LRRC37A2: variants seen among roughly 807,000 people sequenced by gnomAD.
The protein encoded by LRRC37A2 is leucine-rich repeat-containing protein 37A2.
A neutral mutation model predicts 68.8 loss-of-function variants in LRRC37A2; 9 were observed. The ratio of observed to expected loss-of-function variants is 0.13; its 90% CI spans 0.08 to 0.23. The LOEUF is 0.23. Among genes scored for constraint, LRRC37A2 ranks in the 10% least tolerant of loss-of-function variants. LRRC37A2 has a pLI of 1.00. For missense variants in LRRC37A2, 168 were observed against 950.4 expected (o/e 0.18, Z 10.82); for synonymous variants, 63 against 367.6 (o/e 0.17, Z 9.48).
the LRRC37A2 span, among the ~76,000 whole-genome samples, chr17:46,976,448 G>A: frequency 2.6e-5 from 4 of 151,928 alleles, no homozygotes; most frequent in Non-Finnish European, 5.9e-5. Context: ...TCCGGAGGCT[G>A]AGGCAGGAGA....
chr17:46,955,035 A>G, the LRRC37A2 span, among the ~76,000 whole-genome samples: 1 of 152,240 alleles, frequency 6.6e-6, no homozygotes, highest in Non-Finnish European at 1.5e-5. Flanking sequence ...TGCCCTGGCC[A>G]GAACTTCCAA....
At chr17:46,852,018 C>G in the LRRC37A2 span, among the ~76,000 whole-genome samples, 1 of 152,176 alleles carries the variant, frequency 6.6e-6, no homozygotes, top group Non-Finnish European at 1.5e-5. Context: ...ACCCTGGCCC[C>G]GTCCGCCCCG....
At chr17:46,877,672 C>A in the LRRC37A2 span, among the ~76,000 whole-genome samples, 1 of 152,198 alleles carries the variant, frequency 6.6e-6, no homozygotes, top group African/African-American at 2.4e-5. Flanking sequence ...CTTGAGTGAG[C>A]TTTGGTGACT....
the LRRC37A2 span, chr17:46,939,894 A>G: frequency 1.0e-6 from 1 of 993,194 alleles, no homozygotes; most frequent in Non-Finnish European, 1.2e-6. Context: ...TGAAAGTCTC[A>G]GAAAGACCTG....
the LRRC37A2 span, chr17:46,932,105 A>AGACT: frequency 6.2e-7 from 1 of 1,613,652 alleles, no homozygotes; most frequent in East Asian, 2.2e-5. Flanking sequence ...CAGCACCTGC[A>AGACT]GACTGCGCTC....
At chr17:46,977,882 T>C in the LRRC37A2 span, among the ~76,000 whole-genome samples, 1 of 152,272 alleles carries the variant, frequency 6.6e-6, no homozygotes, top group African/African-American at 2.4e-5. Flanking sequence ...CATCTCATAT[T>C]AGACTCATAT....
the LRRC37A2 span, among the ~76,000 whole-genome samples, chr17:46,999,566 C>T: frequency 0.72 from 108,641 of 151,832 alleles, 39,494 homozygotes; most frequent in Middle Eastern, 0.78. Context: ...CCCAGGCTGG[C>T]CTTGAACTCC....
At chr17:46,865,147 G>A in the LRRC37A2 span, among the ~76,000 whole-genome samples, 2 of 152,186 alleles carry the variant, frequency 1.3e-5, no homozygotes, top group African/African-American at 4.8e-5. Flanking sequence ...GAGCCTGAGT[G>A]GAGAGGGAGA....
At chr17:46,768,810 G>A in the LRRC37A2 span, 5 of 1,611,482 alleles carry the variant, frequency 3.1e-6, no homozygotes, top group African/African-American at 1.3e-5. This position sits in a 1 kb window ranked among gnomAD's most constrained non-coding sequence, Gnocchi z 5.0. Flanking sequence ...CTGGGGGAGA[G>A]AAGTGGCAGC....
chr17:46,907,682 AAAAAAAC>A, the LRRC37A2 span, among the ~76,000 whole-genome samples: 2 of 139,622 alleles, frequency 1.4e-5, no homozygotes, highest in African/African-American at 2.6e-5. Flanking sequence ...TACAAAAAAA[AAAAAAAC>A]AAAAAACCCA....
chr17:46,779,103 A>ACACACACACACACACACACC, the LRRC37A2 span, among the ~76,000 whole-genome samples: 96 of 133,634 alleles, frequency 7.2e-4, 2 homozygotes, highest in East Asian at 7.4e-3. Context: ...ACACACACAC[A>ACACACACACACACACACACC]CCCCAGCCCA....
chr17:46,894,265 C>A, the LRRC37A2 span, among the ~76,000 whole-genome samples: 4 of 152,200 alleles, frequency 2.6e-5, no homozygotes, highest in African/African-American at 7.2e-5. Flanking sequence ...GACTCGCAAC[C>A]TCATGGGACT....
the LRRC37A2 span, among the ~76,000 whole-genome samples, chr17:46,834,405 G>A: frequency 1.3e-5 from 2 of 152,154 alleles, no homozygotes; most frequent in Non-Finnish European, 2.9e-5. Context: ...GCGCGCATTA[G>A]GAGATGGAGA....
chr17:46,890,147 C>G, the LRRC37A2 span, among the ~76,000 whole-genome samples: 1 of 152,220 alleles, frequency 6.6e-6, no homozygotes, highest in Non-Finnish European at 1.5e-5. Context: ...CTCCTCTTCC[C>G]TCCCTGTCAG....
downstream of LRRC37A2, chr17:46,558,801 A>G (rs1158656192): frequency 5.8e-5 from 7 of 120,812 alleles, no homozygotes; most frequent in East Asian, 2.6e-4. Context: ...ACACTCCCCT[A>G]TATCAATCTC....
chr17:46,792,103 C>T, the LRRC37A2 span, among the ~76,000 whole-genome samples: 1 of 152,162 alleles, frequency 6.6e-6, no homozygotes, highest in Non-Finnish European at 1.5e-5. Context: ...CATTTAAAGT[C>T]AAAAAATTCT....
At chr17:47,048,520 T>C in the LRRC37A2 span, among the ~76,000 whole-genome samples, 3 of 113,398 alleles carry the variant, frequency 2.6e-5, no homozygotes, top group African/African-American at 6.1e-5. Context: ...TCTGGCAAAT[T>C]TGAAAAACTC....
At chr17:46,967,711 A>G in the LRRC37A2 span, among the ~76,000 whole-genome samples, 1 of 151,806 alleles carries the variant, frequency 6.6e-6, no homozygotes, top group Non-Finnish European at 1.5e-5. Flanking sequence ...TGGCTCAAGC[A>G]TTCAGACAGT....
the LRRC37A2 span, among the ~76,000 whole-genome samples, chr17:46,775,708 G>A: frequency 6.6e-6 from 1 of 151,000 alleles, no homozygotes; most frequent in Non-Finnish European, 1.5e-5. Context: ...CCGCCTCCTG[G>A]GTTCACACCA....
Sources: gnomAD v4.1 joint callset for allele counts (sites outside exome capture counted in the v4.1 genomes callset) on GRCh38, gnomAD v4.1.1 for gene constraint, Gnocchi (gnomAD v3.1) non-coding constraint, MANE v1.5 for transcripts, NCBI Gene and HGNC (gene_info 2026-07-23, HGNC 2026-07-21) for gene names.